DOCK3: variants seen among roughly 807,000 people sequenced by gnomAD.
DOCK3 encodes the protein dedicator of cytokinesis 3, also known as dedicator of cytokinesis protein 3.
A neutral mutation model predicts 265.6 loss-of-function variants in DOCK3; 60 were observed. The ratio of observed to expected loss-of-function variants is 0.23; its 90% CI spans 0.18 to 0.28. The LOEUF is 0.28. Among genes scored for constraint, DOCK3 ranks in the 10% least tolerant of loss-of-function variants. DOCK3 has a pLI of 1.00. For synonymous variants in DOCK3, 881 were observed against 938.0 expected (o/e 0.94, Z 1.11); for missense variants, 1,981 against 2,594.3 (o/e 0.76, Z 5.14).
At chr3:51,030,413 C>G (rs908607867) in intron 5 of DOCK3, among the ~76,000 whole-genome samples, 2 of 152,112 alleles carry the variant, frequency 1.3e-5, no homozygotes, top group Middle Eastern at 3.2e-3. Context: ...CACCTTATCC[C>G]CTGGCTATTT....
At chr3:51,371,526 C>G (rs1322336385) in intron 49 of DOCK3, among the ~76,000 whole-genome samples, 5 of 152,194 alleles carry the variant, frequency 3.3e-5, no homozygotes, top group Non-Finnish European at 7.3e-5. Context: ...TAGAGAAAGA[C>G]TGATACTTTC....
chr3:50,718,488 T>C (rs1191624875), intron 1 of DOCK3, among the ~76,000 whole-genome samples: 1 of 152,170 alleles, frequency 6.6e-6, no homozygotes, highest in Non-Finnish European at 1.5e-5. Context: ...TAAACCCCTT[T>C]CATTTTTCTT....
intron 12 of DOCK3, among the ~76,000 whole-genome samples, chr3:51,192,382 A>C (rs1312262276): frequency 6.6e-6 from 1 of 151,806 alleles, no homozygotes; most frequent in Non-Finnish European, 1.5e-5. Flanking sequence ...AATACCAGGC[A>C]ATAACTCCAC....
At chr3:50,784,331 T>C (rs1290436931) in intron 2 of DOCK3, among the ~76,000 whole-genome samples, 1 of 152,216 alleles carries the variant, frequency 6.6e-6, no homozygotes, top group Non-Finnish European at 1.5e-5. Flanking sequence ...AGTATTTGGG[T>C]TTATTTCTGG....
intron 5 of DOCK3, among the ~76,000 whole-genome samples, chr3:50,940,507 C>T (rs1472895064): frequency 6.6e-6 from 1 of 152,128 alleles, no homozygotes; most frequent in Non-Finnish European, 1.5e-5. Flanking sequence ...ATTCCTAAAA[C>T]ATTCCTGGCA....
At chr3:51,144,832 A>G (rs1399830008) in intron 9 of DOCK3, among the ~76,000 whole-genome samples, 1 of 152,200 alleles carries the variant, frequency 6.6e-6, no homozygotes, top group African/African-American at 2.4e-5. Flanking sequence ...CTAAACTGAT[A>G]CTACATATAT....
chr3:51,278,113 A>G, intron 26 of DOCK3: 1 of 985,388 alleles, frequency 1.0e-6, no homozygotes, highest in Non-Finnish European at 1.2e-6. Flanking sequence ...ACCCCCTCAT[A>G]CAGGTTCTCC....
intron 1 of DOCK3, among the ~76,000 whole-genome samples, chr3:50,699,662 C>G (rs1414247647): frequency 1.3e-5 from 2 of 151,988 alleles, no homozygotes; most frequent in Non-Finnish European, 2.9e-5. Context: ...CATATGGCAA[C>G]TGGTCAGCTT....
intron 9 of DOCK3, among the ~76,000 whole-genome samples, chr3:51,091,299 G>T (rs1240103425): frequency 1.3e-5 from 2 of 152,130 alleles, no homozygotes; most frequent in Non-Finnish European, 2.9e-5. Context: ...AACTTTATTT[G>T]TGTGTGTGAG....
intron 35 of DOCK3, among the ~76,000 whole-genome samples, chr3:51,334,076 G>A (rs1473546191): frequency 6.6e-6 from 1 of 152,054 alleles, no homozygotes; most frequent in African/African-American, 2.4e-5. Flanking sequence ...AAATTCCTGG[G>A]CTCAAGTGAT....
chr3:50,789,248 T>C (rs1297420602), intron 2 of DOCK3, among the ~76,000 whole-genome samples: 1 of 152,238 alleles, frequency 6.6e-6, no homozygotes, highest in Non-Finnish European at 1.5e-5. Context: ...CAATGATCAT[T>C]CAGCAGCAGG....
intron 1 of DOCK3, among the ~76,000 whole-genome samples, chr3:50,754,922 T>C (rs1219425454): frequency 6.6e-6 from 1 of 152,142 alleles, no homozygotes; most frequent in Non-Finnish European, 1.5e-5. Context: ...TGATTCAAGT[T>C]GTTGTTGAAA....
At chr3:51,309,334 C>A (rs1352187714) in intron 27 of DOCK3, among the ~76,000 whole-genome samples, 1 of 152,246 alleles carries the variant, frequency 6.6e-6, no homozygotes, top group African/African-American at 2.4e-5. Flanking sequence ...GCAATCCCGG[C>A]ACCTCAGGAG....
chr3:51,056,497 C>T (rs945876663), intron 5 of DOCK3, among the ~76,000 whole-genome samples: 5 of 152,202 alleles, frequency 3.3e-5, no homozygotes, highest in African/African-American at 1.2e-4. Context: ...ATCCACCCAC[C>T]TCAGCTTCCC....
At chr3:51,068,113 C>A (rs941534571) in intron 6 of DOCK3, among the ~76,000 whole-genome samples, 1 of 152,198 alleles carries the variant, frequency 6.6e-6, no homozygotes, top group Non-Finnish European at 1.5e-5. Context: ...AGCTCTTACA[C>A]AGACATTATA....
intron 14 of DOCK3, among the ~76,000 whole-genome samples, chr3:51,215,271 CTAATTTTTG>C (rs1312160839): frequency 6.6e-6 from 1 of 152,076 alleles, no homozygotes; most frequent in East Asian, 1.9e-4. Flanking sequence ...CCACACCTGG[CTAATTTTTG>C]TAATTTTTGT....
intron 9 of DOCK3, among the ~76,000 whole-genome samples, chr3:51,096,284 G>A (rs1413593634): frequency 6.6e-6 from 1 of 151,932 alleles, no homozygotes; most frequent in Non-Finnish European, 1.5e-5. Flanking sequence ...TCAAACATAG[G>A]TTTGGTTTTT....
chr3:50,817,799 T>G (rs544887226), intron 2 of DOCK3, among the ~76,000 whole-genome samples: 4 of 152,302 alleles, frequency 2.6e-5, no homozygotes, highest in African/African-American at 9.6e-5. Flanking sequence ...AGGCTTTGTT[T>G]AAATGGCTGC....
At chr3:50,931,312 A>G (rs2051056496) in intron 4 of DOCK3, among the ~76,000 whole-genome samples, 1 of 152,232 alleles carries the variant, frequency 6.6e-6, no homozygotes, top group African/African-American at 2.4e-5. Context: ...TGACTGCAGC[A>G]GTTTACAGTG....
Sources: allele counts gnomAD v4.1 joint callset (sites outside exome capture counted in the v4.1 genomes callset), GRCh38; gene constraint gnomAD v4.1.1; transcripts MANE v1.5; gene names NCBI Gene and HGNC (gene_info 2026-07-23, HGNC 2026-07-21).